HEATR5B: variants seen among roughly 807,000 people sequenced by gnomAD.
The protein encoded by HEATR5B is HEAT repeat-containing protein 5B.
In HEATR5B, 156 loss-of-function variants were observed where a neutral mutation model predicts 224.1. The ratio of observed to expected loss-of-function variants is 0.70; its 90% CI spans 0.61 to 0.80. The LOEUF (loss-of-function observed/expected upper bound fraction) is 0.80. HEATR5B is among the 30% of genes least tolerant of loss of function. HEATR5B has a pLI of 0.00. For missense variants in HEATR5B, 2,323 were observed against 2,535.5 expected (o/e 0.92, Z 1.80); for synonymous variants, 1,027 against 893.0 (o/e 1.15, Z -2.68).
chr2:37,082,086 T>TTTTTTTTTTTTTTTGTTTTTC (rs371663046), intron 2 of HEATR5B, among the ~76,000 whole-genome samples: 1 of 55,978 alleles, frequency 1.8e-5, no homozygotes, highest in Non-Finnish European at 3.4e-5. Flanking sequence ...TTTTTTTTTT[T>TTTTTTTTTTTTTTTGTTTTTC]CAGATGGAGT....
chr2:36,983,978 C>T (rs1478423943), intron 35 of HEATR5B, among the ~76,000 whole-genome samples: 2 of 150,540 alleles, frequency 1.3e-5, no homozygotes, highest in East Asian at 2.0e-4. Context: ...GCGGGTGGAT[C>T]ACCTGAGGCC....
intron 35 of HEATR5B, among the ~76,000 whole-genome samples, chr2:36,984,341 T>C (rs917143105): frequency 2.0e-5 from 3 of 151,014 alleles, no homozygotes; most frequent in Admixed American, 1.3e-4. Flanking sequence ...TGGATTCTTT[T>C]ATTATCTAAA....
chr2:36,997,644 G>A (rs1002627834), intron 33 of HEATR5B, among the ~76,000 whole-genome samples: 3 of 139,538 alleles, frequency 2.1e-5, no homozygotes, highest in African/African-American at 8.2e-5. Flanking sequence ...TCGGCTCACT[G>A]CAACCTCTGC....
intron 35 of HEATR5B, among the ~76,000 whole-genome samples, chr2:36,985,621 C>CTTTTTT (rs558499229): frequency 6.5e-5 from 6 of 92,322 alleles, no homozygotes; most frequent in African/African-American, 2.4e-4. Context: ...CCACTCCTGG[C>CTTTTTT]TTTTTTTTTT....
intron 24 of HEATR5B, 91 bp downstream of exon 24, chr2:37,027,832 G>T: frequency 7.6e-7 from 1 of 1,309,704 alleles, no homozygotes; most frequent in Non-Finnish European, 1.1e-6. Flanking sequence ...TCTAAAGCAC[G>T]CTATATCTGT....
At chr2:37,022,458 T>G (rs1340049991) in intron 24 of HEATR5B, among the ~76,000 whole-genome samples, 1 of 152,230 alleles carries the variant, frequency 6.6e-6, no homozygotes, top group Non-Finnish European at 1.5e-5. Context: ...ATAACAGGCG[T>G]GAGCCACCAT....
intron 24 of HEATR5B, among the ~76,000 whole-genome samples, chr2:37,024,789 A>ATCT (rs1460864738): frequency 6.6e-6 from 1 of 152,192 alleles, no homozygotes; most frequent in Non-Finnish European, 1.5e-5. Context: ...CAATCTACCA[A>ATCT]ACCAAAATCT....
In HEATR5B at chr2:37,000,826, CA is replaced by C; in HGVS notation, c.5318-14del. ...ATTGTCATACATCCTGAAAGAAAAA[CA>C]AATCAGATCACCTCATAACTATTCA... On this transcript the variant is annotated splice_polypyrimidine_tract_variant and intron_variant, in intron 32 of 35. Coordinates refer to ENST00000233099, the MANE Select transcript of HEATR5B (RefSeq NM_019024.3). 1.3e-6 allele frequency: 2 copies of C among 1,521,300 alleles called. No homozygotes were observed. The highest frequency in any genetic ancestry group is 1.8e-6 in the Non-Finnish European group (2 of 1,096,210). The allele number at this position is 1,521,300 out of a possible 1,614,324, so 94.2% of individuals were successfully genotyped here.
intron 30 of HEATR5B, among the ~76,000 whole-genome samples, chr2:37,004,563 T>A (rs1018177770): frequency 6.6e-6 from 1 of 151,904 alleles, no homozygotes; most frequent in Non-Finnish European, 1.5e-5. Flanking sequence ...TATTCACTCC[T>A]CAATCTTCTA....
Position 36,990,741 on chromosome 2 carries a change from C to G in HEATR5B, c.5604G>C (p.Leu1868=). 1 of 1,611,820 alleles carries G rather than the reference C, an allele frequency of 6.2e-7. No homozygotes were observed. Among genetic ancestry groups the G allele is most frequent in the Admixed American group, 1.7e-5 (1 of 59,780 alleles). ...CTATTATTTCATTACTAGCAGACCA[C>G]AGGAAGAGTGCAATTGCTGTTAGCA... ...VSMLTAIALF[L]WSASNEIIGV... Residue 1868 remains leucine, a synonymous_variant, in exon 34 of 36, where the codon CTG becomes CTC. Coordinates refer to ENST00000233099, the MANE Select transcript of HEATR5B (RefSeq NM_019024.3).
In HEATR5B at chr2:37,058,537, T is replaced by C. The variant is rs939528538; in HGVS notation, c.1973A>G (p.His658Arg). ...AGCACTAGCTTTCAGATGAGCTCCA[T>C]GGGCTTTCATTACAGATGGAATGCT... ...MSHIPSVMKA[H>R]GAHLKASAAM... is the part of the protein sequence containing the mutation. The change falls in exon 14 of 36, where the codon CAT (histidine) becomes CGT (arginine). Residue 658 changes from histidine (H) to arginine (R), a missense_variant. By Grantham distance (29) the His-to-Arg change is conservative. Around this residue, in one of 12 missense-constraint regions of HEATR5B, gnomAD observed 502 missense variants for 517.8 expected, o/e 0.97. Coordinates refer to ENST00000233099, the MANE Select transcript of HEATR5B (RefSeq NM_019024.3). 1.2e-5 allele frequency: 19 copies of C among 1,611,150 alleles called. No individual in the cohort carries two copies. Among genetic ancestry groups the C allele is most frequent in the Non-Finnish European group, 1.6e-5 (19 of 1,177,452 alleles).
chr2:37,065,017 C>T lies in HEATR5B; in HGVS notation c.1334-27G>A, dbSNP rs988883828. The T allele has an allele frequency of 1.9e-6, 3 of 1,605,686 alleles. No individual in the cohort carries two copies. The African/African-American group carries it at 4.0e-5, about 22-fold the overall frequency. On this transcript the variant is annotated intron_variant, in intron 9 of 35. Transcript: ENST00000233099. ...TAAACAAGAAATACTCAAAATATTA[C>T]TCTTTAATGAAGTCAAATGATTTCA...
intron 24 of HEATR5B, among the ~76,000 whole-genome samples, chr2:37,023,436 GTGCCTACCAAAAAAA>G (rs893731539): frequency 7.9e-5 from 12 of 151,982 alleles, no homozygotes; most frequent in Admixed American, 2.6e-4. Context: ...ATTTTTTCAT[GTGCCTACCAAAAAAA>G]CTAATTTTAG....
chr2:37,049,866 A>T, intron 17 of HEATR5B, 23 bp from the exon 18 acceptor site: 1 of 1,475,620 alleles, frequency 6.8e-7, no homozygotes, highest in Non-Finnish European at 9.0e-7. Context: ...AAAAAAAAAA[A>T]AAAAGACAGC....
intron 28 of HEATR5B, among the ~76,000 whole-genome samples, chr2:37,008,016 C>G (rs887595317): frequency 2.0e-5 from 3 of 152,070 alleles, no homozygotes; most frequent in African/African-American, 7.2e-5. Context: ...GTTTCCTCTA[C>G]TAACACTGAG....
Position 37,013,902 on chromosome 2 carries a change from T to G in HEATR5B, c.4223A>C (p.Gln1408Pro), listed in dbSNP as rs1485443446. The G allele has an allele frequency of 6.2e-7, 1 of 1,613,116 alleles. No individual in the cohort carries two copies. The highest frequency in any genetic ancestry group is 8.5e-7 in the Non-Finnish European group (1 of 1,179,506). ...KVQAGKGSSS[Q>P]LYRESATTME... ...GGTCGTGGCACTCTCTCGGTACAGC[T>G]GGCTGGAAGATCCTTTTCCAGCCTG... is the stretch of plus-strand genomic sequence containing the variant. The change falls in exon 27 of 36, where the codon CAG becomes CCG. Residue 1408 changes from glutamine to proline, a missense_variant. Coordinates refer to ENST00000233099, the MANE Select transcript of HEATR5B (RefSeq NM_019024.3).
At chr2:36,990,052 C>A (rs1415488517) in intron 34 of HEATR5B, among the ~76,000 whole-genome samples, 1 of 151,954 alleles carries the variant, frequency 6.6e-6, no homozygotes, top group African/African-American at 2.4e-5. Context: ...CAGGCGCATG[C>A]CACCACACCT....
intron 19 of HEATR5B, 81 bp downstream of exon 19, chr2:37,041,052 G>C (rs1229798939): frequency 3.6e-6 from 4 of 1,124,770 alleles, no homozygotes; most frequent in East Asian, 2.5e-5. Flanking sequence ...AACTTACCAC[G>C]GTCATTTTTA....
chr2:37,064,930 G>A lies in HEATR5B; in HGVS notation c.1394C>T (p.Ala465Val). 6.2e-7 allele frequency: 1 copy of A among 1,614,132 alleles called. No individual in the cohort carries two copies. The highest frequency in any genetic ancestry group is 8.5e-7 in the Non-Finnish European group (1 of 1,179,998). ...AGCCACACAGCGCAAACACCATGCA[G>A]CAGCAAGTCGGGCAGCCATGCTTGG... ...LHPSMAARLA[A>V]AWCLRCVAVA... Residue 465 changes from alanine to valine, a missense_variant, in exon 10 of 36, where the codon GCT (alanine) becomes GTT (valine). Ala to Val is a moderately conservative substitution (Grantham distance 64, BLOSUM62 0). This residue lies in a region of HEATR5B where 502 missense variants were observed against 517.8 expected (regional missense o/e 0.97). Transcript: ENST00000233099.
Sources: allele counts gnomAD v4.1 joint callset (sites outside exome capture counted in the v4.1 genomes callset), GRCh38; gene constraint gnomAD v4.1.1; regional missense constraint gnomAD v4.1.1; transcripts MANE v1.5; gene names NCBI Gene and HGNC (gene_info 2026-07-23, HGNC 2026-07-21).